Variants in SLC9A9 observed in about 807,000 individuals in gnomAD.
SLC9A9 encodes the protein solute carrier family 9 member A9, also known as sodium/hydrogen exchanger 9.
A neutral mutation model predicts 77.8 loss-of-function variants in SLC9A9; 62 were observed. The observed-to-expected ratio is 0.80, with a 90% confidence interval of 0.65 to 0.98. SLC9A9 has a LOEUF of 0.98. Among genes scored for constraint, SLC9A9 ranks in the 50% least tolerant of loss-of-function variants. The pLI is 0.00. For missense variants in SLC9A9, 775 were observed against 774.9 expected (o/e 1.00, Z 0.00); for synonymous variants, 320 against 283.5 (o/e 1.13, Z -1.29).
intron 5 of SLC9A9, among the ~76,000 whole-genome samples, chr3:143,675,473 G>A (rs1207723364): frequency 6.6e-6 from 1 of 152,164 alleles, no homozygotes; most frequent in African/African-American, 2.4e-5. Flanking sequence ...ATTAACATGA[G>A]CCAGTAGTAG....
chr3:143,655,308 A>C (rs2038869764), intron 5 of SLC9A9, among the ~76,000 whole-genome samples: 1 of 152,200 alleles, frequency 6.6e-6, no homozygotes, highest in South Asian at 2.1e-4. Flanking sequence ...ACACCTTGCA[A>C]GGCTGGTAAA....
At chr3:143,706,364 G>A (rs1170061549) in intron 4 of SLC9A9, among the ~76,000 whole-genome samples, 1 of 152,190 alleles carries the variant, frequency 6.6e-6, no homozygotes, top group Non-Finnish European at 1.5e-5. Context: ...CTTCCCTAAG[G>A]AATGTAAGAG....
chr3:143,437,794 G>C (rs979695620), intron 12 of SLC9A9, among the ~76,000 whole-genome samples: 6 of 152,166 alleles, frequency 3.9e-5, no homozygotes, highest in African/African-American at 1.4e-4. Context: ...AAGAAAAATA[G>C]CGCTTATGAG....
chr3:143,313,565 C>T (rs2031096186), intron 14 of SLC9A9, among the ~76,000 whole-genome samples: 1 of 152,198 alleles, frequency 6.6e-6, no homozygotes, highest in African/African-American at 2.4e-5. Context: ...TTTATGATCC[C>T]TTGCCAGAAT....
intron 2 of SLC9A9, among the ~76,000 whole-genome samples, chr3:143,812,723 A>C (rs2008901065): frequency 6.6e-6 from 1 of 152,144 alleles, no homozygotes; most frequent in Non-Finnish European, 1.5e-5. Flanking sequence ...GCTTATGTAG[A>C]GCATTCGGCA....
At chr3:143,647,615 T>C (rs939522855) in intron 6 of SLC9A9, among the ~76,000 whole-genome samples, 1 of 152,234 alleles carries the variant, frequency 6.6e-6, no homozygotes, top group Non-Finnish European at 1.5e-5. Context: ...TCTTTATTTT[T>C]TCTGATTGTT....
At chr3:143,303,621 A>G (rs2030635738) in intron 14 of SLC9A9, among the ~76,000 whole-genome samples, 1 of 152,170 alleles carries the variant, frequency 6.6e-6, no homozygotes, top group Non-Finnish European at 1.5e-5. Flanking sequence ...TTACTTTGGA[A>G]AGATATTATT....
At chr3:143,283,261 C>T (rs567279773) in intron 14 of SLC9A9, among the ~76,000 whole-genome samples, 156 of 152,294 alleles carry the variant, frequency 1.0e-3, no homozygotes, top group African/African-American at 3.6e-3. Flanking sequence ...GGAAATGGCA[C>T]AAGACGGTGG....
At chr3:143,322,118 G>A (rs1165779191) in intron 14 of SLC9A9, among the ~76,000 whole-genome samples, 4 of 152,082 alleles carry the variant, frequency 2.6e-5, no homozygotes, top group African/African-American at 4.8e-5. Context: ...TAGATAATTC[G>A]CCAGTGTGAT....
At chr3:143,774,708 T>C (rs1189090803) in intron 4 of SLC9A9, among the ~76,000 whole-genome samples, 3 of 151,586 alleles carry the variant, frequency 2.0e-5, no homozygotes, top group Admixed American at 2.0e-4. Context: ...AACTATACAT[T>C]GTAATATCTT....
intron 4 of SLC9A9, among the ~76,000 whole-genome samples, chr3:143,762,896 A>G (rs960242644): frequency 2.0e-5 from 3 of 152,258 alleles, no homozygotes; most frequent in South Asian, 2.1e-4. Flanking sequence ...TAAGCTTTTC[A>G]TGGAAGAACT....
At chr3:143,414,889 C>G (rs1398366987) in intron 12 of SLC9A9, among the ~76,000 whole-genome samples, 4 of 152,196 alleles carry the variant, frequency 2.6e-5, no homozygotes, top group African/African-American at 4.8e-5. Context: ...AGCTAGGCCT[C>G]TTACACCAAA....
At chr3:143,463,492 C>T (rs890609311) in intron 12 of SLC9A9, among the ~76,000 whole-genome samples, 2 of 152,184 alleles carry the variant, frequency 1.3e-5, no homozygotes, top group African/African-American at 4.8e-5. Flanking sequence ...TAGGGCAAAG[C>T]CTAACACCTT....
In SLC9A9 at chr3:143,606,436, C is replaced by CTCTCTCTCTCTATATA. The variant is rs1419410834; in HGVS notation, c.756-27714_756-27713insTATATAGAGAGAGAGA. On this transcript the variant is annotated intron_variant, in intron 6 of 15. Coordinates refer to ENST00000316549, the MANE Select transcript of SLC9A9 (RefSeq NM_173653.4). The stretch of plus-strand genomic sequence containing the variant: ...TCTCTCTCTCTCTCTCTCTCTCTCT[C>CTCTCTCTCTCTATATA]TATATATATATATATATATATATAT... Among the ~76,000 whole-genome samples, 52 of 54,206 alleles carry CTCTCTCTCTCTATATA rather than the reference C, an allele frequency of 9.6e-4. 1 individual carries two copies. The highest frequency in any genetic ancestry group is 2.1e-3 in the African/African-American group (28 of 13,054). The allele number at this position is 54,206 out of a possible 152,430, so 35.6% of individuals were successfully genotyped here. A position where few individuals can be genotyped will look rare whatever the true frequency, so the allele number is the denominator to read the frequency against.
At chr3:143,683,841 G>A (rs1032008612) in intron 5 of SLC9A9, among the ~76,000 whole-genome samples, 9 of 151,902 alleles carry the variant, frequency 5.9e-5, no homozygotes, top group Admixed American at 1.3e-4. Context: ...GAATATAGTT[G>A]GTCACGGGAG....
chr3:143,641,855 C>T (rs543834837), intron 6 of SLC9A9, among the ~76,000 whole-genome samples: 6 of 152,184 alleles, frequency 3.9e-5, no homozygotes, highest in Middle Eastern at 6.8e-3. Context: ...TTCAGTGTCC[C>T]GTCTTTGAAT....
At chr3:143,747,181 G>T (rs953599634) in intron 4 of SLC9A9, among the ~76,000 whole-genome samples, 4 of 152,164 alleles carry the variant, frequency 2.6e-5, no homozygotes, top group Admixed American at 1.3e-4. Context: ...TGAGGTGGGC[G>T]GATCATGAGG....
intron 4 of SLC9A9, among the ~76,000 whole-genome samples, chr3:143,756,841 T>C (rs1170555884): frequency 6.6e-6 from 1 of 152,224 alleles, no homozygotes; most frequent in East Asian, 1.9e-4. Context: ...AGCACAGAGC[T>C]GAATCTAACT....
At chr3:143,535,426 T>C (rs536003010) in intron 9 of SLC9A9, among the ~76,000 whole-genome samples, 11 of 152,216 alleles carry the variant, frequency 7.2e-5, no homozygotes, top group Admixed American at 3.9e-4. Context: ...TATTTTAATG[T>C]CCAGTTGAAC....
Sources: allele counts gnomAD v4.1 joint callset (sites outside exome capture counted in the v4.1 genomes callset), GRCh38; gene constraint gnomAD v4.1.1; transcripts MANE v1.5; gene names NCBI Gene and HGNC (gene_info 2026-07-23, HGNC 2026-07-21).